Variants in FSIP1 observed in about 807,000 individuals in gnomAD.
The protein encoded by FSIP1 is fibrous sheath interacting protein 1, also known as fibrous sheath-interacting protein 1.
FSIP1 carries 65 observed loss-of-function variants against 60.9 expected under a neutral mutation model. The observed-to-expected ratio is 1.07, with a 90% confidence interval of 0.87 to 1.31. FSIP1 has a LOEUF of 1.31. Ranked by LOEUF, FSIP1 falls within the 40% of genes most tolerant of loss-of-function variation. The pLI is 0.00. For missense variants in FSIP1, 675 were observed against 665.5 expected, an observed-to-expected ratio of 1.01 and a Z score of -0.16; for synonymous variants, 209 against 221.2, an observed-to-expected ratio of 0.94 and a Z score of 0.49.
At position 39,780,527 on chromosome 15, in the gene FSIP1, G is replaced by C. The variant is rs529119524; in HGVS notation, c.-8+2101C>G. On this transcript the variant is annotated intron_variant, in intron 1 of 11. Coordinates refer to ENST00000350221, the MANE Select transcript of FSIP1 (RefSeq NM_152597.5). ...AGAGCGAGACTCCGTGTCAAAAAAA[G>C]AAAAAAAAATTTATTTTATCTATTT... 2.3e-3 allele frequency among the ~76,000 whole-genome samples: 342 copies of C among 151,426 alleles called. 3 individuals are homozygous for C. Among genetic ancestry groups the C allele is most frequent in the Non-Finnish European group, 3.5e-3 (237 of 67,798 alleles).
intron 8 of FSIP1, among the ~76,000 whole-genome samples, chr15:39,727,023 T>C (rs1447301648): frequency 6.6e-6 from 1 of 152,232 alleles, no homozygotes; most frequent in East Asian, 1.9e-4. Flanking sequence ...CACAGTCTGG[T>C]TCTCATGACA....
intron 6 of FSIP1, among the ~76,000 whole-genome samples, chr15:39,740,740 G>T (rs1033097015): frequency 5.9e-5 from 9 of 152,140 alleles, no homozygotes; most frequent in Admixed American, 1.3e-4. Flanking sequence ...AGTTATCAAA[G>T]AGTCAATACA....
chr15:39,600,947 C>T lies in FSIP1; in HGVS notation c.1700-21G>A, dbSNP rs776067567. ...CTCATCTGCACATAAAAACAATAACCACAGTTATTAGAGATTCAGAAATGT... is the reference window on the plus strand; with the variant it reads ...CTCATCTGCACATAAAAACAATAACTACAGTTATTAGAGATTCAGAAATGT... On this transcript the variant is annotated intron_variant, in intron 11 of 11. Coordinates refer to ENST00000350221, the MANE Select transcript of FSIP1 (RefSeq NM_152597.5). 8.9e-6 allele frequency: 14 copies of T among 1,581,700 alleles called. No homozygotes were observed. The African/African-American group carries it at 1.9e-4, about 22-fold the overall frequency.
downstream of FSIP1, chr15:39,599,432 TA>T (rs1351037469): frequency 1.3e-5 from 2 of 152,174 alleles, no homozygotes; most frequent in Admixed American, 6.5e-5. Flanking sequence ...TATAAAGTCA[TA>T]AGCCCTTTGC....
intron 10 of FSIP1, among the ~76,000 whole-genome samples, chr15:39,683,907 A>G (rs1322925859): frequency 6.6e-6 from 1 of 152,264 alleles, no homozygotes; most frequent in Non-Finnish European, 1.5e-5. Context: ...TACATGCTGA[A>G]GATGACAAAA....
chr15:39,763,593 C>T (rs1327675482), intron 5 of FSIP1, among the ~76,000 whole-genome samples: 2 of 152,168 alleles, frequency 1.3e-5, no homozygotes, highest in African/African-American at 4.8e-5. Flanking sequence ...TTTGTCCCTG[C>T]CCTGTCCCCC....
chr15:39,726,873 A>T (rs1643933244), intron 8 of FSIP1, 126 bp from the exon 9 acceptor site: 7 of 568,574 alleles, frequency 1.2e-5, no homozygotes, highest in Non-Finnish European at 2.1e-5. Context: ...ACACACACAC[A>T]ACACACACAA....
intron 2 of FSIP1, among the ~76,000 whole-genome samples, chr15:39,771,459 C>T (rs1396718411): frequency 6.6e-6 from 1 of 152,192 alleles, no homozygotes; most frequent in African/African-American, 2.4e-5. Flanking sequence ...TCGTGAATCC[C>T]CAGGGTGGAA....
intron 10 of FSIP1, among the ~76,000 whole-genome samples, chr15:39,670,629 C>A (rs1893682329): frequency 1.3e-5 from 2 of 152,158 alleles, no homozygotes; most frequent in Non-Finnish European, 2.9e-5. Context: ...GAATGTTGAA[C>A]CCTACTTATT....
Position 39,753,017 on chromosome 15 carries a change from G to T in FSIP1, c.559+10804C>A, listed in dbSNP as rs564000754. On this transcript the variant is annotated intron_variant, in intron 5 of 11. Coordinates refer to ENST00000350221, the MANE Select transcript of FSIP1 (RefSeq NM_152597.5). ...GAGGATGTACAAACAATATGAAAAA[G>T]AATTATTATTTAAAAGACTATCTGA... is the stretch of plus-strand genomic sequence containing the variant. 1.3e-5 allele frequency among the ~76,000 whole-genome samples: 2 copies of T among 151,998 alleles called. 1 individual carries two copies. Among genetic ancestry groups the T allele is most frequent in the Non-Finnish European group, 2.9e-5 (2 of 67,964 alleles).
chr15:39,652,163 C>T (rs1892898022), intron 10 of FSIP1, among the ~76,000 whole-genome samples: 1 of 152,142 alleles, frequency 6.6e-6, no homozygotes, highest in Non-Finnish European at 1.5e-5. Flanking sequence ...GCCTCAGAGC[C>T]CACACTGTTG....
downstream of FSIP1, chr15:39,599,121 C>T (rs1890552361): frequency 6.6e-6 from 1 of 152,104 alleles, no homozygotes; most frequent in East Asian, 1.9e-4. Context: ...GACGGGGTTT[C>T]ACCTTGTTCC....
Position 39,633,299 on chromosome 15 carries a change from AG to A in FSIP1, c.1189-15055del, listed in dbSNP as rs200503966. 9.2e-3 allele frequency among the ~76,000 whole-genome samples: 1,396 copies of A among 152,180 alleles called. 14 individuals carry two copies. Among genetic ancestry groups the A allele is most frequent in the Non-Finnish European group, 0.011 (777 of 68,006 alleles). ...GAGACGGGGTTTCACCATGTTGGCC[AG>A]GATGGTCTCGATCTCCTCACCTCGC... On this transcript the variant is annotated intron_variant, in intron 10 of 11. Transcript: ENST00000350221.
At chr15:39,706,996 G>T (rs1436377375) in intron 10 of FSIP1, among the ~76,000 whole-genome samples, 2 of 152,278 alleles carry the variant, frequency 1.3e-5, no homozygotes, top group Non-Finnish European at 1.5e-5. Flanking sequence ...AAGGCAAAAG[G>T]GTCCCAGCTG....
At chr15:39,741,705 T>G (rs977780382) in intron 6 of FSIP1, 100 bp downstream of exon 6, 2 of 646,474 alleles carry the variant, frequency 3.1e-6, no homozygotes, top group East Asian at 5.6e-5. Flanking sequence ...CCACTTACCT[T>G]TGGATTAAAT....
chr15:39,667,681 G>A (rs1418509633), intron 10 of FSIP1, among the ~76,000 whole-genome samples: 1 of 152,100 alleles, frequency 6.6e-6, no homozygotes, highest in African/African-American at 2.4e-5. Flanking sequence ...GAGTGAGAGA[G>A]AGAGACCCAA....
At chr15:39,654,092 G>A (rs903051306) in intron 10 of FSIP1, among the ~76,000 whole-genome samples, 4 of 152,092 alleles carry the variant, frequency 2.6e-5, no homozygotes, top group Admixed American at 6.5e-5. Flanking sequence ...CATCTCCTAC[G>A]ACAACAATGT....
intron 10 of FSIP1, among the ~76,000 whole-genome samples, chr15:39,620,530 C>T (rs962322907): frequency 6.6e-6 from 1 of 151,526 alleles, no homozygotes; most frequent in African/African-American, 2.4e-5. Context: ...CATTTTAACA[C>T]AATTTTTTCT....
chr15:39,649,461 T>C (rs1892774654), intron 10 of FSIP1, among the ~76,000 whole-genome samples: 2 of 152,214 alleles, frequency 1.3e-5, no homozygotes, highest in South Asian at 2.1e-4. Context: ...TTTTTCAAGA[T>C]ACCAGAAATG....
Sources: gnomAD v4.1 joint callset for allele counts (sites outside exome capture counted in the v4.1 genomes callset) on GRCh38, gnomAD v4.1.1 for gene constraint, MANE v1.5 for transcripts, NCBI Gene and HGNC (gene_info 2026-07-23, HGNC 2026-07-21) for gene names.